The following DNAH3 variants were observed in gnomAD, a reference collection of about 807,000 sequenced individuals.
DNAH3 encodes dynein axonemal heavy chain 3, also known as axonemal beta dynein heavy chain 3.
In DNAH3, 332 loss-of-function variants were observed where a neutral mutation model predicts 432.5. The observed-to-expected ratio is 0.77, with a 90% confidence interval of 0.70 to 0.84. The LOEUF (loss-of-function observed/expected upper bound fraction) is 0.84, where lower values mean the gene tolerates loss of function less well. Among genes scored for constraint, DNAH3 ranks in the 40% least tolerant of loss-of-function variants. DNAH3 has a pLI of 0.00. For synonymous variants in DNAH3, 1,956 were observed against 1,900.2 expected (o/e 1.03, Z -0.76); for missense variants, 4,861 against 5,114.0 (o/e 0.95, Z 1.51).
At chr16:21,101,266 T>C (rs1281183062) in intron 16 of DNAH3, among the ~76,000 whole-genome samples, 2 of 152,162 alleles carry the variant, frequency 1.3e-5, no homozygotes, top group Non-Finnish European at 2.9e-5. Context: ...AAAAACATAA[T>C]GGTTGTATGG....
chr16:20,994,540 G>T (rs1482538590), intron 44 of DNAH3, among the ~76,000 whole-genome samples: 1 of 152,148 alleles, frequency 6.6e-6, no homozygotes, highest in Non-Finnish European at 1.5e-5. Flanking sequence ...ACGGTTCAGA[G>T]GCATCAAGCA....
In DNAH3 at chr16:20,998,608, C is replaced by T. The variant is rs1165701456; in HGVS notation, c.6422-1146G>A. On this transcript the variant is annotated intron_variant, in intron 43 of 61. Coordinates refer to ENST00000261383, the Ensembl canonical transcript of DNAH3. The stretch of plus-strand genomic sequence containing the variant: ...ATGACAAGAATATATTAAGACTTCC[C>T]GAAGGGCAGGGACTCATTTTCCCCA... Among the ~76,000 whole-genome samples the T allele has an allele frequency of 3.3e-5, 5 of 151,734 alleles. No individual in the cohort carries two copies. In the East Asian group the frequency reaches 5.8e-4, roughly 18 times the overall value.
intron 55 of DNAH3, among the ~76,000 whole-genome samples, chr16:20,954,447 A>G (rs1409074529): frequency 6.6e-6 from 1 of 150,846 alleles, no homozygotes; most frequent in Non-Finnish European, 1.5e-5. Context: ...GCACCACCAC[A>G]CCCGGCTAAT....
In DNAH3 at chr16:21,104,460, T is replaced by C; in HGVS notation, c.2366+11A>G. 2 of 1,612,634 alleles carry C rather than the reference T, an allele frequency of 1.2e-6. No individual in the cohort carries two copies. Among genetic ancestry groups the C allele is most frequent in the Non-Finnish European group, 8.5e-7 (1 of 1,178,750 alleles). On this transcript the variant is annotated intron_variant, in intron 16 of 61. Coordinates refer to ENST00000261383, the Ensembl canonical transcript of DNAH3. ...TCTCATTTCCAAGACAATCCCAGAC[T>C]CTCCCGGTACCTTTTAATCAGATCC...
At chr16:20,933,248 G>T in exon 62 of DNAH3, 1 of 1,614,256 alleles carries the variant, frequency 6.2e-7, no homozygotes, top group Non-Finnish European at 8.5e-7. Flanking sequence ...GACATAGTTG[G>T]TAGAGTGGCC....
intron 9 of DNAH3, among the ~76,000 whole-genome samples, chr16:21,123,084 C>A (rs995262470): frequency 6.6e-6 from 1 of 152,172 alleles, no homozygotes; most frequent in African/African-American, 2.4e-5. Flanking sequence ...TAGTACCTAA[C>A]AGGTGCTCAA....
chr16:20,969,178 G>A (rs939709911), intron 52 of DNAH3, among the ~76,000 whole-genome samples: 1 of 150,710 alleles, frequency 6.6e-6, no homozygotes, highest in Non-Finnish European at 1.5e-5. Flanking sequence ...CCCTTTGGGT[G>A]TATATGCATG....
intron 8 of DNAH3, among the ~76,000 whole-genome samples, chr16:21,125,889 G>A (rs1412207990): frequency 6.6e-6 from 1 of 152,220 alleles, no homozygotes; most frequent in African/African-American, 2.4e-5. Context: ...GCTCATGCCT[G>A]TAATCCCAGC....
intron 1 of DNAH3, among the ~76,000 whole-genome samples, chr16:21,146,520 G>C (rs999885558): frequency 6.6e-6 from 1 of 152,144 alleles, no homozygotes. Context: ...TGCACTCTGA[G>C]ATGTATTGAA....
intron 1 of DNAH3, among the ~76,000 whole-genome samples, chr16:21,153,601 T>G (rs778798818): frequency 3.3e-5 from 5 of 152,186 alleles, no homozygotes; most frequent in Non-Finnish European, 5.9e-5. Context: ...TTTCACTGTT[T>G]GGGTTCATGC....
chr16:21,080,912 CT>C (rs927555755), intron 20 of DNAH3, among the ~76,000 whole-genome samples: 268 of 151,440 alleles, frequency 1.8e-3, no homozygotes, highest in African/African-American at 6.2e-3. Flanking sequence ...GAAAAGACTT[CT>C]TTTTTTTTCT....
At chr16:21,019,982 T>C (rs898863726) in intron 40 of DNAH3, 113 bp from the exon 41 acceptor site, 11 of 1,212,558 alleles carry the variant, frequency 9.1e-6, no homozygotes, top group South Asian at 5.9e-5. Context: ...GCGACTGATA[T>C]TGGCAGAGTG....
chr16:21,081,280 CTTTG>C (rs907262583), intron 20 of DNAH3, among the ~76,000 whole-genome samples: 3 of 151,482 alleles, frequency 2.0e-5, no homozygotes, highest in Non-Finnish European at 2.9e-5. Context: ...ACGGTTGTTG[CTTTG>C]TTTGTTTAAA....
At chr16:20,960,914 C>T (rs2084790050) in intron 53 of DNAH3, among the ~76,000 whole-genome samples, 1 of 152,158 alleles carries the variant, frequency 6.6e-6, no homozygotes, top group Non-Finnish European at 1.5e-5. Context: ...TGAGAAATTT[C>T]CCATAAAATT....
Position 21,075,571 on chromosome 16 carries a change from G to A in DNAH3, c.2970-10C>T. 1 of 1,598,826 alleles carries A rather than the reference G, an allele frequency of 6.3e-7. No homozygotes were observed. Among genetic ancestry groups the A allele is most frequent in the Middle Eastern group, 1.7e-4 (1 of 6,044 alleles). On this transcript the variant is annotated splice_polypyrimidine_tract_variant and intron_variant, in intron 20 of 61. Coordinates refer to ENST00000261383, the Ensembl canonical transcript of DNAH3. Reference sequence around the variant, plus strand: ...ACCAATGGGCTCCAATCTAAAGAGAGAACACAGCAACAGCAACATCAACAG... The same window carrying A: ...ACCAATGGGCTCCAATCTAAAGAGAAAACACAGCAACAGCAACATCAACAG...
intron 2 of DNAH3, 144 bp from the exon 4 acceptor site, chr16:21,145,550 G>C (rs1047636101): frequency 1.4e-6 from 1 of 699,672 alleles, no homozygotes; most frequent in South Asian, 1.8e-5. Context: ...AAGATTGTCT[G>C]AACAGACACC....
chr16:21,114,842 A>G (rs1474290990), intron 12 of DNAH3, among the ~76,000 whole-genome samples: 1 of 152,220 alleles, frequency 6.6e-6, no homozygotes, highest in Non-Finnish European at 1.5e-5. Flanking sequence ...GTGATTCCTC[A>G]AGGATCTAGA....
At chr16:21,114,360 A>AG (rs11426845) in intron 12 of DNAH3, among the ~76,000 whole-genome samples, 42,527 of 152,068 alleles carry the variant, frequency 0.28, 6,059 homozygotes, top group African/African-American at 0.33. Context: ...ATGGCTGGAC[A>AG]GTTTCCCCAA....
At chr16:21,050,184 CA>C (rs1183094292) in intron 29 of DNAH3, among the ~76,000 whole-genome samples, 166 bp from the exon 30 acceptor site, 1 of 152,100 alleles carries the variant, frequency 6.6e-6, no homozygotes, top group African/African-American at 2.4e-5. Flanking sequence ...TTGCACCAAC[CA>C]AATAGTTAAA....
Sources: gnomAD v4.1 joint callset for allele counts (sites outside exome capture counted in the v4.1 genomes callset) on GRCh38, gnomAD v4.1.1 for gene constraint, MANE v1.5 for transcripts, NCBI Gene and HGNC (gene_info 2026-07-23, HGNC 2026-07-21) for gene names.